Variants in GPC5 observed in about 807,000 individuals in gnomAD.
GPC5 encodes glypican 5.
In GPC5, 47 loss-of-function variants were observed where a neutral mutation model predicts 53.9. That is an observed-to-expected ratio of 0.87 (90% CI 0.69 to 1.11). The LOEUF is 1.11. GPC5 is among the 50% of genes most tolerant of loss of function. GPC5 has a pLI of 0.00. For synonymous variants in GPC5, 286 were observed against 263.3 expected (o/e 1.09, Z -0.84); for missense variants, 748 against 713.1 (o/e 1.05, Z -0.56).
At chr13:92,232,845 A>G (rs1485023953) in intron 7 of GPC5, among the ~76,000 whole-genome samples, 1 of 152,198 alleles carries the variant, frequency 6.6e-6, no homozygotes, top group Non-Finnish European at 1.5e-5. Flanking sequence ...CTATAATTGT[A>G]GCAGTTATCC....
intron 7 of GPC5, among the ~76,000 whole-genome samples, chr13:92,783,622 A>G (rs1019906749): frequency 6.6e-6 from 1 of 152,226 alleles, no homozygotes; most frequent in African/African-American, 2.4e-5. Flanking sequence ...GCCAGAATCC[A>G]TTAGTTTCCC....
chr13:92,180,484 T>A (rs1295026241), intron 7 of GPC5, among the ~76,000 whole-genome samples: 1 of 149,036 alleles, frequency 6.7e-6, no homozygotes, highest in African/African-American at 2.4e-5. Flanking sequence ...CACCTTTAAG[T>A]ATTATGGTTA....
chr13:91,813,279 G>C (rs1594586695), intron 5 of GPC5, among the ~76,000 whole-genome samples: 2 of 152,112 alleles, frequency 1.3e-5, no homozygotes, highest in Non-Finnish European at 2.9e-5. Flanking sequence ...GCATTACTTT[G>C]ATGCACCTGT....
intron 7 of GPC5, among the ~76,000 whole-genome samples, chr13:92,153,475 TGA>T (rs2041921549): frequency 6.6e-6 from 1 of 152,208 alleles, no homozygotes; most frequent in African/African-American, 2.4e-5. Context: ...TTCTAATTTA[TGA>T]ATACATAACT....
rs555069418 is a variant in GPC5, at chr13:92,350,287, G to A, written c.1561+205298G>A. 2.0e-4 allele frequency among the ~76,000 whole-genome samples: 30 copies of A among 152,240 alleles called. 1 individual carries two copies. The highest frequency in any genetic ancestry group is 6.7e-4 in the African/African-American group (28 of 41,564). Reference sequence around the variant, plus strand: ...TCCACAGCTAACACTGTACTCAATGGTAAAAAATTGGAAAGCTTTCCTTTA... The same window carrying A: ...TCCACAGCTAACACTGTACTCAATGATAAAAAATTGGAAAGCTTTCCTTTA... On this transcript the variant is annotated intron_variant, in intron 7 of 7. Transcript: ENST00000377067.
At chr13:92,331,266 A>G (rs2043286166) in intron 7 of GPC5, among the ~76,000 whole-genome samples, 3 of 152,120 alleles carry the variant, frequency 2.0e-5, no homozygotes, top group Admixed American at 2.0e-4. Flanking sequence ...CAAAGTAGAA[A>G]TATATTTTAA....
At chr13:92,630,914 G>A (rs1393141348) in intron 7 of GPC5, among the ~76,000 whole-genome samples, 1 of 151,914 alleles carries the variant, frequency 6.6e-6, no homozygotes, top group Non-Finnish European at 1.5e-5. Flanking sequence ...AATCTAGTTG[G>A]CAATATTAAA....
intron 7 of GPC5, among the ~76,000 whole-genome samples, chr13:92,350,017 A>G (rs1201234313): frequency 6.6e-6 from 1 of 152,202 alleles, no homozygotes; most frequent in African/African-American, 2.4e-5. Flanking sequence ...TTATCAACAC[A>G]TTAAAGGGAT....
intron 6 of GPC5, among the ~76,000 whole-genome samples, chr13:91,950,776 T>C (rs980638568): frequency 2.0e-5 from 3 of 152,204 alleles, no homozygotes; most frequent in African/African-American, 7.2e-5. Context: ...GTAAACTCTA[T>C]GTGTAATAAC....
At chr13:92,409,986 A>G (rs1875970230) in intron 7 of GPC5, among the ~76,000 whole-genome samples, 2 of 152,226 alleles carry the variant, frequency 1.3e-5, no homozygotes, top group Non-Finnish European at 1.5e-5. Context: ...GTGTATGCAC[A>G]CGCATGCCTG....
chr13:92,716,032 T>C (rs1034370752), intron 7 of GPC5, among the ~76,000 whole-genome samples: 2 of 152,202 alleles, frequency 1.3e-5, no homozygotes, highest in African/African-American at 4.8e-5. Flanking sequence ...TTTTTCCTTA[T>C]TGTCAATGAT....
chr13:91,755,201 T>A (rs932199399), intron 4 of GPC5, among the ~76,000 whole-genome samples: 3 of 152,104 alleles, frequency 2.0e-5, no homozygotes, highest in Non-Finnish European at 4.4e-5. Context: ...AAATGAGATT[T>A]CATTTTTAAA....
intron 7 of GPC5, among the ~76,000 whole-genome samples, chr13:92,147,761 T>C (rs1323330150): frequency 6.6e-6 from 1 of 152,096 alleles, no homozygotes; most frequent in Non-Finnish European, 1.5e-5. Context: ...CTTATGTTTC[T>C]ACGAGTTTAT....
chr13:91,994,547 T>A (rs1442320768), intron 6 of GPC5: 1 of 152,202 alleles, frequency 6.6e-6, no homozygotes, highest in Non-Finnish European at 1.5e-5. Context: ...AGTCTTTTAA[T>A]CATATCAATT....
At chr13:92,393,014 G>C (rs1009080825) in intron 7 of GPC5, among the ~76,000 whole-genome samples, 1 of 152,146 alleles carries the variant, frequency 6.6e-6, no homozygotes, top group Non-Finnish European at 1.5e-5. Context: ...AGCTAAAAGC[G>C]TAAGTATCAT....
chr13:92,383,714 A>G (rs2043769094), intron 7 of GPC5, among the ~76,000 whole-genome samples: 1 of 152,244 alleles, frequency 6.6e-6, no homozygotes, highest in African/African-American at 2.4e-5. Context: ...CCTGCTTTCA[A>G]GCACATGAGA....
chr13:91,997,818 C>A lies in GPC5; in HGVS notation c.1401+89761C>A, dbSNP rs1343308895. Among the ~76,000 whole-genome samples, 3 of 152,124 alleles carry A rather than the reference C, an allele frequency of 2.0e-5. No homozygotes were observed. In the East Asian group the frequency reaches 5.8e-4, roughly 29 times the overall value. On this transcript the variant is annotated intron_variant, in intron 6 of 7. Coordinates refer to ENST00000377067, the MANE Select transcript of GPC5 (RefSeq NM_004466.6). ...TACAGGCGTGAGCCACCACACCTGG[C>A]CCCTCTTGGTTGTTTTAATAAAGGG...
intron 7 of GPC5, among the ~76,000 whole-genome samples, chr13:92,270,302 C>T (rs1472214218): frequency 2.6e-5 from 4 of 152,090 alleles, no homozygotes; most frequent in African/African-American, 7.2e-5. Context: ...GGTGGGTCTC[C>T]GTGGGAAGTG....
chr13:92,247,460 T>G (rs1447754673), intron 7 of GPC5, among the ~76,000 whole-genome samples: 1 of 152,162 alleles, frequency 6.6e-6, no homozygotes, highest in African/African-American at 2.4e-5. Flanking sequence ...TCTTTAATGC[T>G]GTTTAGGTTG....
Sources: gnomAD v4.1 joint callset for allele counts (sites outside exome capture counted in the v4.1 genomes callset) on GRCh38, gnomAD v4.1.1 for gene constraint, MANE v1.5 for transcripts, NCBI Gene and HGNC (gene_info 2026-07-23, HGNC 2026-07-21) for gene names.